Variants in SLC25A29 observed in about 807,000 individuals in gnomAD.
SLC25A29 encodes the protein mitochondrial basic amino acids transporter.
A neutral mutation model predicts 10.0 loss-of-function variants in SLC25A29; 13 were observed. The ratio of observed to expected loss-of-function variants is 1.30; its 90% CI spans 0.85 to 2.07. The LOEUF is 2.07. Ranked by LOEUF, SLC25A29 falls within the 30% of genes most tolerant of loss-of-function variation. The pLI is 0.00. For missense variants in SLC25A29, 475 were observed against 447.6 expected, an observed-to-expected ratio of 1.06 and a Z score of -0.55; for synonymous variants, 244 against 221.1, an observed-to-expected ratio of 1.10 and a Z score of -0.92.
downstream of SLC25A29, among the ~76,000 whole-genome samples, chr14:100,287,640 C>CG (rs1297123146): frequency 2.7e-5 from 3 of 110,070 alleles, no homozygotes; most frequent in African/African-American, 9.9e-5. Flanking sequence ...CCCCCCCCTC[C>CG]GAATTCCTGG....
rs774723504 is a variant in SLC25A29, at chr14:100,292,956, T to G, written c.239A>C (p.Gln80Pro). The G allele has an allele frequency of 6.2e-7, 1 of 1,604,740 alleles. No individual in the cohort carries two copies. Among genetic ancestry groups the G allele is most frequent in the Non-Finnish European group, 8.5e-7 (1 of 1,176,406 alleles). The change falls in exon 4 of 4, where the codon CAG becomes CCG. Residue 80 changes from glutamine (Q) to proline (P), a missense_variant. Transcript: ENST00000359232. ...TFINALVFGV[Q>P]GNTLRALGHD... ...GCCCAGGGCCCGGAGGGTGTTGCCCTGCACCCCGAACACCAGCGCGTTGAT... is the reference window on the plus strand; with the variant it reads ...GCCCAGGGCCCGGAGGGTGTTGCCCGGCACCCCGAACACCAGCGCGTTGAT...
chr14:100,292,482 C>T lies in SLC25A29; in HGVS notation c.713G>A (p.Ser238Asn). 6.3e-7 allele frequency: 1 copy of T among 1,585,510 alleles called. No individual in the cohort carries two copies. The change falls in exon 4 of 4, where the codon AGC becomes AAC. Residue 238 changes from serine (S) to asparagine (N), a missense_variant. Physicochemically the swap from Ser to Asn is conservative, Grantham distance 46 (BLOSUM62 1). Coordinates refer to ENST00000359232, the MANE Select transcript of SLC25A29 (RefSeq NM_001039355.3). ...GACGCGCCAGCCCTCGGCGCGGTAG[C>T]TCTGGTGCACGCAGTCCAGGATGCC... ...YRGILDCVHQ[S>N]YRAEGWRVFT...
At chr14:100,294,809 A>G (rs1344947215) in intron 2 of SLC25A29, 4 of 152,196 alleles carry the variant, frequency 2.6e-5, no homozygotes, top group Non-Finnish European at 5.9e-5. Flanking sequence ...TTTTGTTAGG[A>G]AACAAGTACC....
At chr14:100,282,113 T>G in the SLC25A29 span, 1 of 151,990 alleles carries the variant, frequency 6.6e-6, no homozygotes, top group Non-Finnish European at 1.5e-5. Flanking sequence ...AGGTGGGAGG[T>G]GACACATGGA....
chr14:100,286,472 G>GC (rs1006608889), downstream of SLC25A29, among the ~76,000 whole-genome samples: 8 of 136,894 alleles, frequency 5.8e-5, no homozygotes, highest in South Asian at 1.1e-3. Context: ...AGCATGGCTG[G>GC]GGGGGGGGGT....
chr14:100,293,850 T>G (rs1039698000), intron 2 of SLC25A29: 1 of 158,072 alleles, frequency 6.3e-6, no homozygotes, highest in Admixed American at 6.3e-5. Context: ...CCAGGTGCAG[T>G]GGCTCACGCC....
At chr14:100,296,955 C>T (rs372838403) in intron 2 of SLC25A29, among the ~76,000 whole-genome samples, 10 of 151,828 alleles carry the variant, frequency 6.6e-5, no homozygotes, top group African/African-American at 2.4e-4. Context: ...AGTAGCCAGG[C>T]GTGCTGGCAC....
chr14:100,281,732 A>G, the SLC25A29 span: 1 of 152,120 alleles, frequency 6.6e-6, no homozygotes, highest in Non-Finnish European at 1.5e-5. Flanking sequence ...TCCACCCCAA[A>G]TTACTGACCC....
At chr14:100,287,625 A>ACCCCCCCC (rs1475358138), downstream of SLC25A29, among the ~76,000 whole-genome samples, 2 of 75,994 alleles carry the variant, frequency 2.6e-5, no homozygotes, top group Non-Finnish European at 2.6e-5. Context: ...CCACTGGAGC[A>ACCCCCCCC]CCACCCCCCC....
intron 1 of SLC25A29, among the ~76,000 whole-genome samples, chr14:100,303,779 C>T (rs902396426): frequency 5.3e-5 from 8 of 151,790 alleles, no homozygotes; most frequent in African/African-American, 1.9e-4. Context: ...ACCAGTAGTC[C>T]TCAGGGCTGG....
In SLC25A29 at chr14:100,292,129, CA is replaced by C; in HGVS notation, c.*153del. ...CACTGAGGCAAGTGCAGTTCTCGGC[CA>C]AAACTACCCAGCTGATCAGCAAAAT... On this transcript the variant is annotated 3_prime_UTR_variant, in exon 4 of 4. Coordinates refer to ENST00000359232, the MANE Select transcript of SLC25A29 (RefSeq NM_001039355.3). 2 of 1,023,964 alleles carry C rather than the reference CA, an allele frequency of 2.0e-6. No individual in the cohort carries two copies. Among genetic ancestry groups the C allele is most frequent in the Non-Finnish European group, 2.9e-6 (2 of 691,422 alleles). 63.4% of individuals were successfully genotyped at this position (1,023,964 alleles called of 1,614,324 possible).
Position 100,292,140 on chromosome 14 carries a change from A to C in SLC25A29, c.*143T>G. 1 of 1,114,588 alleles carries C rather than the reference A, an allele frequency of 9.0e-7. No individual in the cohort carries two copies. Among genetic ancestry groups the C allele is most frequent in the South Asian group, 1.3e-5 (1 of 74,768 alleles). The allele number at this position is 1,114,588 out of a possible 1,614,324, so 69.0% of individuals were successfully genotyped here. A position where few individuals can be genotyped will look rare whatever the true frequency, so the allele number is the denominator to read the frequency against. ...GTGCAGTTCTCGGCCAAAACTACCC[A>C]GCTGATCAGCAAAATTCAGCCCACG... On this transcript the variant is annotated 3_prime_UTR_variant, in exon 4 of 4. Coordinates refer to ENST00000359232, the MANE Select transcript of SLC25A29 (RefSeq NM_001039355.3).
chr14:100,304,093 A>G (rs1892750663), intron 1 of SLC25A29, among the ~76,000 whole-genome samples: 1 of 152,178 alleles, frequency 6.6e-6, no homozygotes, highest in Admixed American at 6.5e-5. Context: ...GACCCACACT[A>G]GGCGAATAGT....
At chr14:100,283,923 C>T in the SLC25A29 span, among the ~76,000 whole-genome samples, 1 of 151,998 alleles carries the variant, frequency 6.6e-6, no homozygotes, top group Non-Finnish European at 1.5e-5. Context: ...TTGCTATCAC[C>T]TAGGCCGGAG....
the SLC25A29 span, chr14:100,281,995 G>A: frequency 6.6e-6 from 1 of 152,254 alleles, no homozygotes. Context: ...GCATGTACTT[G>A]ACACGTTATC....
chr14:100,299,529 C>T, intron 1 of SLC25A29: 12 of 986,632 alleles, frequency 1.2e-5, no homozygotes, highest in Non-Finnish European at 1.4e-5. Context: ...AGGGAGACAG[C>T]TTGTGACTGT....
downstream of SLC25A29, chr14:100,291,085 C>T (rs972696383): frequency 6.6e-6 from 1 of 152,324 alleles, no homozygotes; most frequent in Non-Finnish European, 1.5e-5. Context: ...GAAGCCCTTT[C>T]CTCCACCATA....
At chr14:100,281,668 A>C in the SLC25A29 span, 2 of 152,270 alleles carry the variant, frequency 1.3e-5, no homozygotes, top group African/African-American at 4.8e-5. Flanking sequence ...CCACGCCTTC[A>C]GAATCATGCT....
chr14:100,306,156 C>A, intron 1 of SLC25A29, 43 bp downstream of exon 1: 1 of 1,399,902 alleles, frequency 7.1e-7, no homozygotes, highest in South Asian at 1.4e-5. Flanking sequence ...CCTCCCTCCC[C>A]GGACGCCTCG....
Sources: allele counts gnomAD v4.1 joint callset (sites outside exome capture counted in the v4.1 genomes callset), GRCh38; gene constraint gnomAD v4.1.1; transcripts MANE v1.5; gene names NCBI Gene and HGNC (gene_info 2026-07-23, HGNC 2026-07-21).